Variants in TRPM6 observed in about 807,000 individuals in gnomAD.
TRPM6 encodes the protein channel kinase 2.
A neutral mutation model predicts 247.6 loss-of-function variants in TRPM6; 111 were observed. The ratio of observed to expected loss-of-function variants is 0.45; its 90% CI spans 0.38 to 0.52. The LOEUF is 0.52. Ranked by LOEUF, TRPM6 falls within the 20% of genes least tolerant of loss-of-function variation. The probability of loss-of-function intolerance (pLI) is 0.00; values close to 1 mark genes in which losing one functional copy is unlikely to be tolerated. For missense variants in TRPM6, 2,126 were observed against 2,421.5 expected (o/e 0.88, Z 2.56); for synonymous variants, 892 against 853.8 (o/e 1.04, Z -0.78).
At chr9:74,865,275 G>T (rs1433709459) in intron 1 of TRPM6, among the ~76,000 whole-genome samples, 3 of 152,162 alleles carry the variant, frequency 2.0e-5, no homozygotes, top group African/African-American at 7.2e-5. Flanking sequence ...CAAATTGGTT[G>T]AAGCCCTCAT....
intron 34 of TRPM6, 129 bp downstream of exon 34, chr9:74,739,594 C>A: frequency 1.3e-6 from 2 of 1,519,260 alleles, no homozygotes; most frequent in Non-Finnish European, 1.8e-6. Flanking sequence ...TCCTACAAAG[C>A]AATACTACCT....
At chr9:74,820,693 G>T (rs995012288) in intron 8 of TRPM6, among the ~76,000 whole-genome samples, 2 of 152,142 alleles carry the variant, frequency 1.3e-5, no homozygotes, top group Admixed American at 6.6e-5. Flanking sequence ...TTGAGGCCAG[G>T]AGTTCGAGGC....
Position 74,771,716 on chromosome 9 carries a change from C to G in TRPM6, c.3523G>C (p.Val1175Leu). The G allele has an allele frequency of 1.9e-6, 3 of 1,613,884 alleles. No homozygotes were observed. Among genetic ancestry groups the G allele is most frequent in the Non-Finnish European group, 2.5e-6 (3 of 1,180,010 alleles). Reference sequence around the variant, plus strand: ...TATATCTTTTACCTTTCTGATGTCACTCGGATTCGTTCCTCACAACTACAA... The same window carrying G: ...TATATCTTTTACCTTTCTGATGTCAGTCGGATTCGTTCCTCACAACTACAA... ...VNCSCEERIR[V>L]TSERVTEMYF... is the part of the protein sequence containing the mutation. Residue 1175 changes from valine to leucine, a missense_variant, in exon 25 of 39, where the codon GTG becomes CTG. This residue lies in a region of TRPM6 where 717 missense variants were observed against 715.9 expected (regional missense o/e 1.00). Transcript: ENST00000360774.
At chr9:74,740,081 T>G in intron 33 of TRPM6, 72 bp from the exon 34 acceptor site, 1 of 1,535,010 alleles carries the variant, frequency 6.5e-7, no homozygotes, top group South Asian at 1.2e-5. Context: ...ATCCTAAATA[T>G]CAATGCAGAA....
At chr9:74,792,802 C>G in intron 18 of TRPM6, 32 bp from the exon 19 acceptor site, 1 of 1,599,856 alleles carries the variant, frequency 6.3e-7, no homozygotes, top group Non-Finnish European at 8.6e-7. Flanking sequence ...ATTTTCTTGT[C>G]AGCAGCTTAA....
intron 23 of TRPM6, among the ~76,000 whole-genome samples, chr9:74,776,644 G>A (rs1184431314): frequency 1.3e-5 from 2 of 152,190 alleles, no homozygotes; most frequent in Non-Finnish European, 1.5e-5. Flanking sequence ...TTATTGGTAG[G>A]TCACTTTGTA....
chr9:74,738,051 C>T (rs2118728452), intron 36 of TRPM6, among the ~76,000 whole-genome samples: 1 of 152,248 alleles, frequency 6.6e-6, no homozygotes, highest in African/African-American at 2.4e-5. Context: ...ATGAAAAACA[C>T]CCAGAATTTA....
intron 1 of TRPM6, among the ~76,000 whole-genome samples, chr9:74,882,413 A>G (rs1831390505): frequency 6.6e-6 from 1 of 152,208 alleles, no homozygotes; most frequent in Non-Finnish European, 1.5e-5. Context: ...TCAACAGTAA[A>G]CACAAAACAA....
intron 16 of TRPM6, 108 bp from the exon 17 acceptor site, chr9:74,800,590 CAG>C (rs1411129220): frequency 2.9e-4 from 217 of 744,664 alleles, no homozygotes; most frequent in Middle Eastern, 9.3e-4. Flanking sequence ...ATGTGAGGCT[CAG>C]AAAATATCAA....
Position 74,786,248 on chromosome 9 carries a change from T to A in TRPM6, c.2668-123A>T. On this transcript the variant is annotated intron_variant, in intron 20 of 38. Transcript: ENST00000360774. ...AATCTAAAACCTGCCAAACCTTAAA[T>A]CACTTGCGGATTTCAGAGACTTAAG... 2.9e-6 allele frequency: 3 copies of A among 1,035,842 alleles called. No individual in the cohort carries two copies. In the Admixed American group the frequency reaches 6.5e-5, roughly 22 times the overall value. 64.2% of individuals were successfully genotyped at this position (1,035,842 alleles called of 1,614,324 possible). A position where few individuals can be genotyped will look rare whatever the true frequency, so the allele number is the denominator to read the frequency against.
intron 12 of TRPM6, 114 bp downstream of exon 12, chr9:74,812,185 C>T: frequency 7.2e-7 from 1 of 1,384,002 alleles, no homozygotes; most frequent in South Asian, 1.2e-5. Flanking sequence ...ATAGGGAAGT[C>T]CAGCTACTTC....
chr9:74,845,702 G>C (rs552278585), intron 3 of TRPM6, among the ~76,000 whole-genome samples: 1 of 152,112 alleles, frequency 6.6e-6, no homozygotes, highest in African/African-American at 2.4e-5. Context: ...GTGTGGTGGA[G>C]CAAGTCTGTA....
chr9:74,739,640 A>C (rs1171618894), intron 34 of TRPM6, 83 bp downstream of exon 34: 2 of 1,582,150 alleles, frequency 1.3e-6, no homozygotes, highest in African/African-American at 2.7e-5. Flanking sequence ...GGTTGAGGAT[A>C]ATGGCCTTAG....
At position 74,820,419 on chromosome 9, in the gene TRPM6, C is replaced by G; in HGVS notation, c.1019G>C (p.Arg340Pro). Residue 340 changes from arginine to proline, a missense_variant, in exon 9 of 39, where the codon CGA (arginine) becomes CCA (proline). Around this residue, in one of 3 missense-constraint regions of TRPM6, gnomAD observed 1,082 missense variants for 1,307.9 expected, o/e 0.83. Transcript: ENST00000360774. The stretch of plus-strand genomic sequence containing the variant: ...GATGATCTCCTCTTTCACCTGAGGT[C>G]GCAGCATCCTGGAAGAGAAATAAAT... ...HKHLADEGML[R>P]PQVKEEIICM... 1.2e-6 allele frequency: 2 copies of G among 1,614,004 alleles called. No homozygotes were observed. The highest frequency in any genetic ancestry group is 1.7e-6 in the Non-Finnish European group (2 of 1,180,000).
chr9:74,724,260 A>G lies in TRPM6; in HGVS notation c.*353T>C. ...GTCTGCATACATAGTGAGAAAATAA[A>G]ATAAATGTATCCCCCCCAACCCCAT... is the stretch of plus-strand genomic sequence containing the variant. On this transcript the variant is annotated 3_prime_UTR_variant, in exon 39 of 39. Transcript: ENST00000360774. 2.9e-6 allele frequency: 1 copy of G among 343,522 alleles called. No individual in the cohort carries two copies. The highest frequency in any genetic ancestry group is 4.1e-5 in the Admixed American group (1 of 24,140). 21.3% of individuals were successfully genotyped at this position (343,522 alleles called of 1,614,324 possible).
chr9:74,782,543 C>T (rs1464543080), intron 22 of TRPM6, 67 bp from the exon 23 acceptor site: 6 of 1,438,766 alleles, frequency 4.2e-6, no homozygotes, highest in Non-Finnish European at 4.9e-6. Flanking sequence ...TCTAGACACA[C>T]ATTTAGCACA....
intron 5 of TRPM6, among the ~76,000 whole-genome samples, chr9:74,839,422 AATC>A (rs1829839006): frequency 6.6e-6 from 1 of 152,130 alleles, no homozygotes; most frequent in South Asian, 2.1e-4. Flanking sequence ...GTGTTTTGGC[AATC>A]ATGTAGTTAA....
intron 23 of TRPM6, among the ~76,000 whole-genome samples, chr9:74,781,609 G>A (rs1827459887): frequency 6.6e-6 from 1 of 151,148 alleles, no homozygotes; most frequent in South Asian, 2.1e-4. Context: ...GAGGAAAGGA[G>A]AGGAGAGGAA....
intron 25 of TRPM6, among the ~76,000 whole-genome samples, chr9:74,765,319 A>T: frequency 6.6e-6 from 1 of 151,106 alleles, no homozygotes. Context: ...TATGTAATTA[A>T]TTGGAGAAAA....
Sources: allele counts gnomAD v4.1 joint callset (sites outside exome capture counted in the v4.1 genomes callset), GRCh38; gene constraint gnomAD v4.1.1; regional missense constraint gnomAD v4.1.1; transcripts MANE v1.5; gene names NCBI Gene and HGNC (gene_info 2026-07-23, HGNC 2026-07-21).